Variants in CCDC13 observed in about 807,000 individuals in gnomAD.
CCDC13 encodes the protein coiled-coil domain containing 13, also known as coiled-coil domain-containing protein 13.
CCDC13 carries 70 observed loss-of-function variants against 87.3 expected under a neutral mutation model. The observed-to-expected ratio is 0.80, with a 90% CI of 0.66 to 0.98. CCDC13 has a LOEUF of 0.98. CCDC13 is among the 50% of genes least tolerant of loss of function. The pLI is 0.00. For missense variants in CCDC13, 842 were observed against 892.0 expected (o/e 0.94, Z 0.71); for synonymous variants, 317 against 360.3 (o/e 0.88, Z 1.36).
chr3:42,753,147 A>T (rs1201386567), intron 3 of CCDC13, among the ~76,000 whole-genome samples: 1 of 152,172 alleles, frequency 6.6e-6, no homozygotes, highest in Non-Finnish European at 1.5e-5. Flanking sequence ...GTTAACAGAT[A>T]AGGTGCAGAT....
chr3:42,770,650 T>A (rs540033522), intron 1 of CCDC13: 87 of 152,492 alleles, frequency 5.7e-4, no homozygotes, highest in African/African-American at 2.0e-3. Flanking sequence ...GTTCTTTTGC[T>A]CTTTGCACTA....
Position 42,711,246 on chromosome 3 carries a change from C to CAAAAAAAAAAAAAAAAAAAAAAA in CCDC13, c.1874-1449_1874-1448insTTTTTTTTTTTTTTTTTTTTTTT, listed in dbSNP as rs1174084143. Among the ~76,000 whole-genome samples the CAAAAAAAAAAAAAAAAAAAAAAA allele has an allele frequency of 1.9e-4, 14 of 75,322 alleles. 1 individual carries two copies. Among genetic ancestry groups the CAAAAAAAAAAAAAAAAAAAAAAA allele is most frequent in the African/African-American group, 7.8e-4 (14 of 17,914 alleles). The allele number at this position is 75,322 out of a possible 152,430, so 49.4% of individuals were successfully genotyped here. On this transcript the variant is annotated intron_variant, in intron 14 of 15. Coordinates refer to ENST00000310232, the MANE Select transcript of CCDC13 (RefSeq NM_144719.4). ...GAGGGACAGAGTGAGACTCTGTCTC[C>CAAAAAAAAAAAAAAAAAAAAAAA]AAAAAAAAAAAAAAAAAAAAGACAA...
chr3:42,718,999 C>T (rs1201680428), intron 13 of CCDC13: 2 of 151,874 alleles, frequency 1.3e-5, no homozygotes, highest in African/African-American at 4.8e-5. Context: ...GGTTAGAGGC[C>T]CAACTTAGGA....
intron 3 of CCDC13, among the ~76,000 whole-genome samples, 176 bp downstream of exon 3, chr3:42,756,890 C>G (rs1699716740): frequency 6.6e-6 from 1 of 151,998 alleles, no homozygotes; most frequent in African/African-American, 2.4e-5. Context: ...GCTGGCCTCC[C>G]TGGGGCTGCT....
intron 7 of CCDC13, among the ~76,000 whole-genome samples, chr3:42,743,587 T>TTATATATATATATATATTTATATATATA (rs1553690701): frequency 1.0e-5 from 1 of 97,694 alleles, no homozygotes; most frequent in Non-Finnish European, 1.9e-5. Flanking sequence ...CTGGATAATT[T>TTATATATATATATATATTTATATATATA]TATATATATA....
rs758435655 is a variant in CCDC13, at chr3:42,728,851, GCAGA to G, written c.1718+1612_1718+1615del. Among the ~76,000 whole-genome samples the G allele has an allele frequency of 3.9e-5, 6 of 152,192 alleles. No homozygotes were observed. In the South Asian group the frequency reaches 1.2e-3, roughly 32 times the overall value. Reference sequence around the variant, plus strand: ...GGACCCAAAAAGGGCCAGCATATTCGCAGACAGAGAGTTGCATGTATGTGACTGG... The same window carrying G: ...GGACCCAAAAAGGGCCAGCATATTCGCAGAGAGTTGCATGTATGTGACTGG... On this transcript the variant is annotated intron_variant, in intron 13 of 15. Transcript: ENST00000310232.
intron 13 of CCDC13, 47 bp from the exon 14 acceptor site, chr3:42,713,363 G>GCAGGCCCTACCCCACTTGCT: frequency 6.2e-7 from 1 of 1,602,046 alleles, no homozygotes; most frequent in Non-Finnish European, 8.5e-7. Context: ...GCAGGCAGGG[G>GCAGGCCCTACCCCACTTGCT]CAGGCCCTAC....
At chr3:42,739,561 C>T in intron 9 of CCDC13, 73 bp downstream of exon 9, 1 of 1,516,114 alleles carries the variant, frequency 6.6e-7, no homozygotes. Context: ...AGGGCTCACT[C>T]TGGCCATGGC....
At chr3:42,756,581 T>C (rs1699708242) in intron 3 of CCDC13, among the ~76,000 whole-genome samples, 1 of 150,776 alleles carries the variant, frequency 6.6e-6, no homozygotes, top group African/African-American at 2.4e-5. Flanking sequence ...TACCTGGCTC[T>C]ACTGGGGCTT....
At chr3:42,712,372 C>T (rs989473619) in intron 14 of CCDC13, among the ~76,000 whole-genome samples, 2 of 152,138 alleles carry the variant, frequency 1.3e-5, no homozygotes, top group African/African-American at 4.8e-5. Flanking sequence ...CCAGAAATGG[C>T]TTCTGGCTCT....
chr3:42,725,706 T>C (rs1698671020), intron 13 of CCDC13, among the ~76,000 whole-genome samples: 1 of 151,694 alleles, frequency 6.6e-6, no homozygotes, highest in South Asian at 2.1e-4. Context: ...TCTAAGCCAA[T>C]AAATTCACAT....
downstream of CCDC13, chr3:42,704,808 G>A (rs2125863379): frequency 6.6e-6 from 1 of 152,400 alleles, no homozygotes; most frequent in Middle Eastern, 3.4e-3. Context: ...ACCAGCACTT[G>A]GCCCTGGGGC....
chr3:42,757,569 T>G (rs1368772715), intron 2 of CCDC13, among the ~76,000 whole-genome samples: 1 of 152,078 alleles, frequency 6.6e-6, no homozygotes, highest in Non-Finnish European at 1.5e-5. Flanking sequence ...GAAAACAAAA[T>G]TAGCCAGGCA....
rs1698771983 is a variant in CCDC13 at position 42,729,599 on chromosome 3, C to A, written c.1718+868G>T. Among the ~76,000 whole-genome samples, 3 of 152,222 alleles carry A rather than the reference C, an allele frequency of 2.0e-5. No individual in the cohort carries two copies. The South Asian group carries it at 6.2e-4, about 31-fold the overall frequency. ...CCAGTTCAACCTTCTCTCCCAGAAC[C>A]CATGGGCACAAGAGCTAAAAGCCAT... On this transcript the variant is annotated intron_variant, in intron 13 of 15. Coordinates refer to ENST00000310232, the MANE Select transcript of CCDC13 (RefSeq NM_144719.4).
intron 11 of CCDC13, 121 bp from the exon 12 acceptor site, chr3:42,733,091 C>G: frequency 1.3e-6 from 1 of 758,740 alleles, no homozygotes; most frequent in Non-Finnish European, 2.1e-6. Context: ...TTGCAGCAGT[C>G]CTGTGGATTT....
chr3:42,761,235 C>G (rs1263113877), intron 1 of CCDC13, among the ~76,000 whole-genome samples: 2 of 152,202 alleles, frequency 1.3e-5, no homozygotes, highest in East Asian at 3.8e-4. Context: ...CCCCATGTCT[C>G]CATTCCCACT....
intron 5 of CCDC13, among the ~76,000 whole-genome samples, chr3:42,749,299 A>T (rs770771151): frequency 1.3e-5 from 2 of 152,166 alleles, no homozygotes; most frequent in Non-Finnish European, 2.9e-5. Context: ...GTGGGAGTAC[A>T]TGTGCTTCCA....
chr3:42,765,676 G>T (rs1292989320), intron 1 of CCDC13, among the ~76,000 whole-genome samples: 1 of 152,230 alleles, frequency 6.6e-6, no homozygotes, highest in Non-Finnish European at 1.5e-5. Flanking sequence ...GAGAGAAGCT[G>T]CAGGAGAGAC....
chr3:42,753,727 C>A (rs1403084783), intron 3 of CCDC13, among the ~76,000 whole-genome samples: 1 of 152,050 alleles, frequency 6.6e-6, no homozygotes, highest in Admixed American at 6.6e-5. Flanking sequence ...GAACTGAGGG[C>A]TCAAACCATG....
Sources: gnomAD v4.1 joint callset for allele counts (sites outside exome capture counted in the v4.1 genomes callset) on GRCh38, gnomAD v4.1.1 for gene constraint, MANE v1.5 for transcripts, NCBI Gene and HGNC (gene_info 2026-07-23, HGNC 2026-07-21) for gene names.